Variants in LSAMP observed in about 807,000 individuals in gnomAD.
LSAMP encodes the protein limbic system associated membrane protein.
A neutral mutation model predicts 38.6 loss-of-function variants in LSAMP; 7 were observed. The observed-to-expected ratio is 0.18, with a 90% CI of 0.10 to 0.34. The LOEUF (loss-of-function observed/expected upper bound fraction) is 0.34. Ranked by LOEUF, LSAMP falls within the 10% of genes least tolerant of loss-of-function variation. The pLI is 1.00. For synonymous variants in LSAMP, 154 were observed against 166.8 expected (o/e 0.92, Z 0.59); for missense variants, 313 against 420.0 (o/e 0.75, Z 2.23).
At chr3:116,082,878 G>A (rs1920361) in intron 2 of LSAMP, among the ~76,000 whole-genome samples, 1 of 152,024 alleles carries the variant, frequency 6.6e-6, no homozygotes, top group Non-Finnish European at 1.5e-5. Context: ...AGACACTGGG[G>A]TTTATTTGAG....
chr3:116,348,002 T>A (rs931347380), intron 1 of LSAMP, among the ~76,000 whole-genome samples: 2 of 151,850 alleles, frequency 1.3e-5, no homozygotes, highest in African/African-American at 4.8e-5. Context: ...CTGGGGTATG[T>A]AGAGTGACTA....
At chr3:116,380,727 T>C (rs2048548072) in intron 1 of LSAMP, among the ~76,000 whole-genome samples, 1 of 152,092 alleles carries the variant, frequency 6.6e-6, no homozygotes, top group Admixed American at 6.6e-5. Flanking sequence ...AATCTGATTC[T>C]TATCAATGAC....
chr3:116,426,699 A>G (rs1393375965), intron 1 of LSAMP, among the ~76,000 whole-genome samples: 2 of 152,126 alleles, frequency 1.3e-5, no homozygotes, highest in African/African-American at 4.8e-5. Flanking sequence ...ATGTGAATAC[A>G]TCATCTGTGG....
At chr3:116,183,581 C>G (rs951786262) in intron 1 of LSAMP, among the ~76,000 whole-genome samples, 6 of 151,690 alleles carry the variant, frequency 4.0e-5, no homozygotes, top group Non-Finnish European at 8.9e-5. Context: ...GCATAAGTTT[C>G]CTTATTTCTA....
At chr3:116,217,506 C>G (rs1334052262) in intron 1 of LSAMP, among the ~76,000 whole-genome samples, 1 of 152,208 alleles carries the variant, frequency 6.6e-6, no homozygotes, top group East Asian at 1.9e-4. Context: ...CAAGTGCCTC[C>G]TATGTTCTGC....
intron 3 of LSAMP, among the ~76,000 whole-genome samples, chr3:115,880,053 T>C (rs1936283024): frequency 2.6e-5 from 4 of 152,166 alleles, no homozygotes; most frequent in Admixed American, 2.6e-4. Flanking sequence ...CAGATTTGAA[T>C]ACACTGAATG....
At chr3:116,181,337 T>C (rs1194725922) in intron 1 of LSAMP, among the ~76,000 whole-genome samples, 1 of 151,994 alleles carries the variant, frequency 6.6e-6, no homozygotes, top group Non-Finnish European at 1.5e-5. Context: ...ACTAACATAG[T>C]AACAAAGGGC....
chr3:116,436,418 A>G (rs1481885592), intron 1 of LSAMP, among the ~76,000 whole-genome samples: 2 of 152,246 alleles, frequency 1.3e-5, no homozygotes, highest in Non-Finnish European at 2.9e-5. Flanking sequence ...GACAACCCAC[A>G]GACTGGGAGA....
intron 1 of LSAMP, among the ~76,000 whole-genome samples, chr3:116,431,817 A>C (rs983373997): frequency 1.3e-5 from 2 of 152,202 alleles, no homozygotes; most frequent in East Asian, 3.9e-4. Context: ...TCTCTTTGTG[A>C]CTTTGAAAGA....
At chr3:116,330,684 G>C (rs369329041) in intron 1 of LSAMP, among the ~76,000 whole-genome samples, 1 of 152,072 alleles carries the variant, frequency 6.6e-6, no homozygotes, top group African/African-American at 2.4e-5. Context: ...AAAAACACAG[G>C]CTCAGAAAAG....
At chr3:115,979,298 T>C (rs908508275) in intron 3 of LSAMP, among the ~76,000 whole-genome samples, 1 of 151,900 alleles carries the variant, frequency 6.6e-6, no homozygotes, top group Admixed American at 6.6e-5. Flanking sequence ...AGGAATAGTT[T>C]AAAGAGGAGA....
At chr3:116,253,620 G>C (rs903290230) in intron 1 of LSAMP, among the ~76,000 whole-genome samples, 24 of 152,166 alleles carry the variant, frequency 1.6e-4, no homozygotes, top group African/African-American at 5.8e-4. Context: ...TAGGCTACAA[G>C]AAGTCCTGTG....
At chr3:116,233,691 T>G (rs1382906901) in intron 1 of LSAMP, among the ~76,000 whole-genome samples, 1 of 152,060 alleles carries the variant, frequency 6.6e-6, no homozygotes, top group East Asian at 1.9e-4. Context: ...TATATTTTTT[T>G]TTTAGCTCCC....
intron 2 of LSAMP, among the ~76,000 whole-genome samples, chr3:116,064,596 A>ATGT (rs1283453299): frequency 1.3e-5 from 2 of 152,214 alleles, no homozygotes; most frequent in Admixed American, 1.3e-4. Context: ...TGTGACTAAC[A>ATGT]TGTTTTTAAA....
chr3:116,022,438 T>G (rs1329661355), intron 2 of LSAMP, among the ~76,000 whole-genome samples: 1 of 152,170 alleles, frequency 6.6e-6, no homozygotes, highest in Non-Finnish European at 1.5e-5. Context: ...CTCCTTAACC[T>G]CAAATGAAAT....
intron 2 of LSAMP, among the ~76,000 whole-genome samples, chr3:116,043,231 T>A (rs949011212): frequency 6.6e-5 from 10 of 152,176 alleles, no homozygotes; most frequent in African/African-American, 1.9e-4. Flanking sequence ...ATGCTTTTTT[T>A]AAAAACAAAC....
chr3:116,194,113 G>C (rs1449938356), intron 1 of LSAMP, among the ~76,000 whole-genome samples: 1 of 152,174 alleles, frequency 6.6e-6, no homozygotes, highest in African/African-American at 2.4e-5. Flanking sequence ...ATCACATTAG[G>C]AGGAGGTGGC....
intron 2 of LSAMP, among the ~76,000 whole-genome samples, chr3:116,082,728 C>A (rs1707898824): frequency 6.6e-6 from 1 of 152,148 alleles, no homozygotes; most frequent in South Asian, 2.1e-4. Flanking sequence ...AAGATCATGT[C>A]TTTTGCAGGA....
At chr3:116,156,717 A>G (rs1176069853) in intron 1 of LSAMP, among the ~76,000 whole-genome samples, 1 of 152,180 alleles carries the variant, frequency 6.6e-6, no homozygotes, top group Non-Finnish European at 1.5e-5. Flanking sequence ...AGAGAGGACC[A>G]GTATGATGAG....
Sources: gnomAD v4.1 joint callset for allele counts (sites outside exome capture counted in the v4.1 genomes callset) on GRCh38, gnomAD v4.1.1 for gene constraint, MANE v1.5 for transcripts, NCBI Gene and HGNC (gene_info 2026-07-23, HGNC 2026-07-21) for gene names.